ITGAE: variants seen among roughly 807,000 people sequenced by gnomAD.
ITGAE encodes integrin alpha-E.
Under a neutral mutation model 136.5 loss-of-function variants are expected in ITGAE, and 99 were observed. That is an observed-to-expected ratio of 0.73 (90% CI 0.62 to 0.86). The LOEUF is 0.86. ITGAE is among the 40% of genes least tolerant of loss of function. The probability of loss-of-function intolerance (pLI) is 0.00; values close to 1 mark genes in which losing one functional copy is unlikely to be tolerated. For synonymous variants in ITGAE, 613 were observed against 591.8 expected (o/e 1.04, Z -0.52); for missense variants, 1,447 against 1,515.3 (o/e 0.95, Z 0.75).
In ITGAE at chr17:3,763,724, A is replaced by C. The variant is rs1404878896; in HGVS notation, c.247+145T>G. On this transcript the variant is annotated intron_variant, in intron 3 of 30. Coordinates refer to ENST00000263087, the MANE Select transcript of ITGAE (RefSeq NM_002208.5). ...GGGTGGGACTGGGCATTGGGATGGA[A>C]TCTTGCTGTGGGTTATGCTGGAGTC... 1.9e-5 allele frequency: 13 copies of C among 690,792 alleles called. 1 individual carries two copies. The highest frequency in any genetic ancestry group is 3.0e-4 in the Middle Eastern group (1 of 3,388). The allele number at this position is 690,792 out of a possible 1,614,324, so 42.8% of individuals were successfully genotyped here. A position where few individuals can be genotyped will look rare whatever the true frequency, so the allele number is the denominator to read the frequency against.
rs1243828413 is a variant in ITGAE, at chr17:3,753,425, C to T, written c.1533G>A (p.Gly511=). ...GGCACAGCTCAGAGCCAAAATAGGACCCCATCTACAGCCCGGGAGGAACTC... is the reference window on the plus strand; with the variant it reads ...GGCACAGCTCAGAGCCAAAATAGGATCCCATCTACAGCCCGGGAGGAACTC... ...FLPVLEGEQM[G]SYFGSELCPV... is the part of the protein sequence containing the mutation. The change falls in exon 14 of 31, where the codon GGG becomes GGA. Residue 511 remains glycine (G), a synonymous_variant. Transcript: ENST00000263087. 1 of 1,613,678 alleles carries T rather than the reference C, an allele frequency of 6.2e-7. No individual in the cohort carries two copies. Among genetic ancestry groups the T allele is most frequent in the South Asian group, 1.1e-5 (1 of 91,048 alleles).
intron 16 of ITGAE, among the ~76,000 whole-genome samples, chr17:3,748,968 A>G (rs575048563): frequency 6.6e-6 from 1 of 152,274 alleles, no homozygotes; most frequent in South Asian, 2.1e-4. Context: ...AGCAGAGTGA[A>G]GGGATAGGGC....
chr17:3,771,346 G>A (rs143390096), intron 2 of ITGAE, among the ~76,000 whole-genome samples: 8 of 152,266 alleles, frequency 5.3e-5, no homozygotes, highest in Admixed American at 2.0e-4. Flanking sequence ...ACCAGGCGAG[G>A]CTAATCCACG....
intron 19 of ITGAE, among the ~76,000 whole-genome samples, chr17:3,741,353 C>A (rs1382985120): frequency 6.6e-6 from 1 of 151,418 alleles, no homozygotes; most frequent in African/African-American, 2.4e-5. Context: ...TCCCAAAGTG[C>A]TGGGATTACA....
At chr17:3,782,738 G>A (rs1419101930) in intron 1 of ITGAE, among the ~76,000 whole-genome samples, 4 of 152,102 alleles carry the variant, frequency 2.6e-5, no homozygotes, top group Non-Finnish European at 5.9e-5. Flanking sequence ...TTCAATTAAC[G>A]ACTTTTGCCA....
chr17:3,794,529 C>T (rs1328552168), intron 1 of ITGAE, among the ~76,000 whole-genome samples: 1 of 152,184 alleles, frequency 6.6e-6, no homozygotes, highest in Non-Finnish European at 1.5e-5. Flanking sequence ...GGCATGGTGG[C>T]CCACCCTCGG....
chr17:3,777,240 C>T (rs1490682482), intron 2 of ITGAE, among the ~76,000 whole-genome samples: 1 of 152,188 alleles, frequency 6.6e-6, no homozygotes, highest in African/African-American at 2.4e-5. Context: ...GGATTACAGG[C>T]GTGAGCCACC....
intron 20 of ITGAE, among the ~76,000 whole-genome samples, chr17:3,739,548 T>A (rs2051536215): frequency 6.6e-6 from 1 of 152,162 alleles, no homozygotes; most frequent in Non-Finnish European, 1.5e-5. Context: ...GAGACCCAGG[T>A]TCAAGTCCAC....
intron 1 of ITGAE, among the ~76,000 whole-genome samples, chr17:3,797,350 A>T (rs979353675): frequency 1.3e-4 from 19 of 150,212 alleles, no homozygotes; most frequent in South Asian, 6.3e-4. Flanking sequence ...TGTTTTTAGT[A>T]GAGACGGAGT....
chr17:3,750,552 A>C, intron 15 of ITGAE, 70 bp from the exon 16 acceptor site: 2 of 1,564,788 alleles, frequency 1.3e-6, no homozygotes, highest in South Asian at 2.3e-5. Flanking sequence ...TCCTTTCATG[A>C]TCTATCCCGA....
chr17:3,786,080 T>C (rs1056474001), intron 1 of ITGAE, among the ~76,000 whole-genome samples: 18 of 144,844 alleles, frequency 1.2e-4, no homozygotes, highest in African/African-American at 4.1e-4. Context: ...GGCAGGAGAA[T>C]GGCGTGAACC....
At position 3,750,618 on chromosome 17, in the gene ITGAE, G is replaced by A. The variant is rs2051842099; in HGVS notation, c.1894-136C>T. On this transcript the variant is annotated intron_variant, in intron 15 of 30. Transcript: ENST00000263087. Reference sequence around the variant, plus strand: ...GAGCCCCGAGTCTAGAACCAGGAAAGAGGGAGCAAGCTTTCCCAGAGGAAG... The same window carrying A: ...GAGCCCCGAGTCTAGAACCAGGAAAAAGGGAGCAAGCTTTCCCAGAGGAAG... 4 of 1,020,938 alleles carry A rather than the reference G, an allele frequency of 3.9e-6. No individual in the cohort carries two copies. The Admixed American group carries it at 8.2e-5, about 21-fold the overall frequency. The allele number at this position is 1,020,938 out of a possible 1,614,324, so 63.2% of individuals were successfully genotyped here. A position where few individuals can be genotyped will look rare whatever the true frequency, so the allele number is the denominator to read the frequency against.
At chr17:3,724,270 C>A in intron 26 of ITGAE, 1 of 1,590,216 alleles carries the variant, frequency 6.3e-7, no homozygotes, top group Non-Finnish European at 8.5e-7. Flanking sequence ...CTAACCGTGA[C>A]CCCAAGACGC....
chr17:3,744,836 C>T (rs1303856750), intron 18 of ITGAE, among the ~76,000 whole-genome samples: 2 of 152,152 alleles, frequency 1.3e-5, no homozygotes, highest in Admixed American at 1.3e-4. Context: ...CCATTTGCCA[C>T]TCTCTTTGTT....
intron 1 of ITGAE, among the ~76,000 whole-genome samples, chr17:3,790,317 G>A (rs1315543510): frequency 6.6e-6 from 1 of 152,114 alleles, no homozygotes; most frequent in Admixed American, 6.6e-5. Context: ...GACCAGCCCA[G>A]CCAACACAGT....
At chr17:3,749,164 GGTGGAT>G (rs1001700090) in intron 16 of ITGAE, among the ~76,000 whole-genome samples, 12 of 152,022 alleles carry the variant, frequency 7.9e-5, no homozygotes, top group African/African-American at 2.9e-4. Flanking sequence ...TGAATTGCTG[GGTGGAT>G]GATGATGCCA....
intron 26 of ITGAE, 95 bp from the exon 27 acceptor site, chr17:3,723,839 C>A: frequency 6.5e-7 from 1 of 1,543,848 alleles, no homozygotes; most frequent in Non-Finnish European, 8.7e-7. Context: ...TGCGCATGCG[C>A]AGGGCCGGGA....
rs189997734 is a variant in ITGAE at position 3,788,437 on chromosome 17, G to A, written c.35-10777C>T. The stretch of plus-strand genomic sequence containing the variant: ...TTCGAGTAGCTGGGACTATAGGCCT[G>A]TGCCACCAGACCTGACTAATTTTTT... On this transcript the variant is annotated intron_variant, in intron 1 of 30. Coordinates refer to ENST00000263087, the MANE Select transcript of ITGAE (RefSeq NM_002208.5). 1.1e-3 allele frequency among the ~76,000 whole-genome samples: 156 copies of A among 146,920 alleles called. 1 individual carries two copies. Among genetic ancestry groups the A allele is most frequent in the African/African-American group, 3.7e-3 (149 of 40,074 alleles).
intron 26 of ITGAE, 153 bp from the exon 27 acceptor site, chr17:3,723,897 C>G (rs756256767): frequency 6.0e-5 from 92 of 1,530,670 alleles, no homozygotes; most frequent in Non-Finnish European, 7.5e-5. Context: ...ACGGAAGTCT[C>G]GCGATGTTTG....
Sources: gnomAD v4.1 joint callset for allele counts (sites outside exome capture counted in the v4.1 genomes callset) on GRCh38, gnomAD v4.1.1 for gene constraint, MANE v1.5 for transcripts, NCBI Gene and HGNC (gene_info 2026-07-23, HGNC 2026-07-21) for gene names.